Variants in CNTN5 observed in about 807,000 individuals in gnomAD.
CNTN5 encodes the protein contactin 5.
Under a neutral mutation model 129.1 loss-of-function variants are expected in CNTN5, and 77 were observed. The observed-to-expected ratio is 0.60, with a 90% confidence interval of 0.50 to 0.72. The LOEUF is 0.72. Ranked by LOEUF, CNTN5 falls within the 30% of genes least tolerant of loss-of-function variation. The pLI is 0.00. For synonymous variants in CNTN5, 509 were observed against 465.6 expected (o/e 1.09, Z -1.20); for missense variants, 1,478 against 1,328.8 (o/e 1.11, Z -1.75).
chr11:100,079,946 A>G (rs1309519511), intron 13 of CNTN5, among the ~76,000 whole-genome samples: 1 of 152,168 alleles, frequency 6.6e-6, no homozygotes, highest in Non-Finnish European at 1.5e-5. Context: ...GCACTCCAGC[A>G]GTGCACAAAT....
At chr11:99,394,886 A>G (rs554684833) in intron 2 of CNTN5, among the ~76,000 whole-genome samples, 1 of 151,642 alleles carries the variant, frequency 6.6e-6, no homozygotes, top group African/African-American at 2.4e-5. Context: ...TTTCTTTTTT[A>G]TTGCATAGTA....
intron 7 of CNTN5, among the ~76,000 whole-genome samples, chr11:99,919,532 C>A (rs1949881990): frequency 6.6e-6 from 1 of 152,264 alleles, no homozygotes; most frequent in Non-Finnish European, 1.5e-5. Flanking sequence ...TCCTCTCAGT[C>A]AGTCTGTGTG....
rs573036203 is a variant in CNTN5, at chr11:99,925,086, A to G, written c.673+8937A>G. Among the ~76,000 whole-genome samples, 78 of 152,330 alleles carry G rather than the reference A, an allele frequency of 5.1e-4. No individual in the cohort carries two copies. In the Middle Eastern group the frequency reaches 0.014, roughly 27 times the overall value. ...ATAAAGTGCAAAACCATAGACAGGT[A>G]TATCTCACTTAAATATGCTCTCCAA... On this transcript the variant is annotated intron_variant, in intron 7 of 24. Transcript: ENST00000524871.
At chr11:99,657,125 G>T (rs761991075) in intron 3 of CNTN5, among the ~76,000 whole-genome samples, 13 of 150,778 alleles carry the variant, frequency 8.6e-5, no homozygotes, top group Admixed American at 2.0e-4. Flanking sequence ...TGAAAAAATC[G>T]CAAACCTCCA....
At chr11:99,465,259 C>A (rs373485665) in intron 2 of CNTN5, among the ~76,000 whole-genome samples, 1 of 152,128 alleles carries the variant, frequency 6.6e-6, no homozygotes, top group African/African-American at 2.4e-5. Flanking sequence ...TTTAGCCCCC[C>A]ACAGCTTCCT....
intron 1 of CNTN5, among the ~76,000 whole-genome samples, chr11:99,050,517 G>A (rs532507337): frequency 6.6e-6 from 1 of 151,692 alleles, no homozygotes; most frequent in East Asian, 1.9e-4. Context: ...AGAACAAAAA[G>A]CCATACTTTA....
At chr11:99,329,049 G>A (rs1291761398) in intron 2 of CNTN5, among the ~76,000 whole-genome samples, 2 of 152,030 alleles carry the variant, frequency 1.3e-5, no homozygotes, top group Admixed American at 6.6e-5. Flanking sequence ...GTGGTGGGAC[G>A]GGGTGGTTCA....
chr11:99,567,216 T>C (rs1390113262), intron 3 of CNTN5, among the ~76,000 whole-genome samples: 4 of 152,160 alleles, frequency 2.6e-5, no homozygotes, highest in Non-Finnish European at 2.9e-5. Flanking sequence ...CCAGACAATA[T>C]GAAGGTGAGA....
chr11:99,398,536 C>T (rs1185889644), intron 2 of CNTN5, among the ~76,000 whole-genome samples: 1 of 151,918 alleles, frequency 6.6e-6, no homozygotes, highest in Admixed American at 6.6e-5. Flanking sequence ...TTCTCAAAAC[C>T]CCTGGGAATC....
chr11:100,287,204 C>A (rs553348577), intron 18 of CNTN5, among the ~76,000 whole-genome samples: 2 of 152,298 alleles, frequency 1.3e-5, no homozygotes, highest in South Asian at 4.2e-4. Context: ...TCCAGGAGAA[C>A]TTCCCCAATC....
chr11:99,726,167 G>A (rs1018340379), intron 3 of CNTN5, among the ~76,000 whole-genome samples: 3 of 152,098 alleles, frequency 2.0e-5, no homozygotes, highest in African/African-American at 7.2e-5. Context: ...ACTACACTTA[G>A]GAGAACTGAA....
At chr11:99,504,007 T>A (rs1313718553) in intron 2 of CNTN5, among the ~76,000 whole-genome samples, 1 of 152,142 alleles carries the variant, frequency 6.6e-6, no homozygotes, top group Non-Finnish European at 1.5e-5. Flanking sequence ...GCTTTATATT[T>A]GTGTGTTAAT....
chr11:99,643,605 C>T (rs1343826394), intron 3 of CNTN5, among the ~76,000 whole-genome samples: 2 of 152,044 alleles, frequency 1.3e-5, no homozygotes, highest in Admixed American at 1.3e-4. Context: ...ATTGCCAAGA[C>T]ATATTAATGT....
intron 4 of CNTN5, among the ~76,000 whole-genome samples, chr11:99,836,994 G>C (rs1055192672): frequency 6.6e-6 from 1 of 152,124 alleles, no homozygotes; most frequent in Non-Finnish European, 1.5e-5. Context: ...GGCTGTTTTT[G>C]TTTTGGTGGA....
At chr11:99,517,692 C>T (rs759211801) in intron 2 of CNTN5, among the ~76,000 whole-genome samples, 7 of 152,176 alleles carry the variant, frequency 4.6e-5, no homozygotes, top group Admixed American at 2.0e-4. Flanking sequence ...CTAGTGATAA[C>T]GTCACTTCCT....
At chr11:99,132,466 CTTTG>C (rs956271896) in intron 1 of CNTN5, among the ~76,000 whole-genome samples, 6 of 152,234 alleles carry the variant, frequency 3.9e-5, no homozygotes, top group Non-Finnish European at 5.9e-5. Flanking sequence ...GTTAAATTGT[CTTTG>C]TTTGCAGATG....
chr11:99,062,482 A>C (rs1864925171), intron 1 of CNTN5, among the ~76,000 whole-genome samples: 1 of 152,138 alleles, frequency 6.6e-6, no homozygotes, highest in African/African-American at 2.4e-5. Flanking sequence ...AGGAACACTA[A>C]CATAACAGCC....
In CNTN5 at chr11:99,865,183, T is replaced by G. The variant is rs958474695; in HGVS notation, c.577+19921T>G. Among the ~76,000 whole-genome samples the G allele has an allele frequency of 3.9e-5, 6 of 152,314 alleles. No homozygotes were observed. In the East Asian group the frequency reaches 1.2e-3, roughly 29 times the overall value. On this transcript the variant is annotated intron_variant, in intron 6 of 24. Transcript: ENST00000524871. Reference sequence around the variant, plus strand: ...ATCCTCTCTATAACCTCCTTCCTTCTGTGCTTCAATAGCATCATACCTTGT... The same window carrying G: ...ATCCTCTCTATAACCTCCTTCCTTCGGTGCTTCAATAGCATCATACCTTGT...
intron 21 of CNTN5, among the ~76,000 whole-genome samples, chr11:100,336,517 G>T (rs1368135727): frequency 6.6e-6 from 1 of 152,162 alleles, no homozygotes; most frequent in African/African-American, 2.4e-5. Context: ...GAAAATAATT[G>T]TATGAAGATA....
Sources: allele counts gnomAD v4.1 joint callset (sites outside exome capture counted in the v4.1 genomes callset), GRCh38; gene constraint gnomAD v4.1.1; transcripts MANE v1.5; gene names NCBI Gene and HGNC (gene_info 2026-07-23, HGNC 2026-07-21).